Variants in PPRC1 observed in about 807,000 individuals in gnomAD.
PPRC1 encodes peroxisome proliferator-activated receptor gamma coactivator-related protein 1.
A neutral mutation model predicts 132.5 loss-of-function variants in PPRC1; 23 were observed. The ratio of observed to expected loss-of-function variants is 0.17; its 90% CI spans 0.12 to 0.25. PPRC1 has a LOEUF of 0.25. Among genes scored for constraint, PPRC1 ranks in the 10% least tolerant of loss-of-function variants. PPRC1 has a pLI of 1.00. For synonymous variants in PPRC1, 872 were observed against 833.5 expected (o/e 1.05, Z -0.80); for missense variants, 2,006 against 2,089.1 (o/e 0.96, Z 0.78).
In PPRC1 at chr10:102,141,648, C is replaced by T; in HGVS notation, c.3140C>T (p.Ala1047Val). 1 of 1,614,158 alleles carries T rather than the reference C, an allele frequency of 6.2e-7. No homozygotes were observed. The highest frequency in any genetic ancestry group is 1.7e-4 in the Middle Eastern group (1 of 6,060). ...AGTCTTGGGCTACCTGGCCATGGAG[C>T]TCCTCAGACAGAGCCTACCAAGGTG... ...PLSLGLPGHG[A>V]PQTEPTKVEV... is the part of the protein sequence containing the mutation. Residue 1047 changes from alanine to valine, a missense_variant, in exon 5 of 14, where the codon GCT (alanine) becomes GTT (valine). Around this residue, in one of 2 missense-constraint regions of PPRC1, gnomAD observed 1,914 missense variants for 1,917.2 expected, o/e 1.00. Transcript: ENST00000278070.
At chr10:102,144,718 A>C in intron 7 of PPRC1, 1 of 486,062 alleles carries the variant, frequency 2.1e-6, no homozygotes, top group Non-Finnish European at 3.7e-6. Flanking sequence ...TCTGCCAAGC[A>C]TGTTCCCCTC....
the PPRC1 span, among the ~76,000 whole-genome samples, chr10:102,121,560 C>T: frequency 3.9e-5 from 6 of 152,166 alleles, no homozygotes; most frequent in Admixed American, 3.9e-4. Flanking sequence ...CCATCCCTTC[C>T]CAAAAGCTCA....
the PPRC1 span, among the ~76,000 whole-genome samples, chr10:102,121,731 A>T: frequency 3.3e-5 from 5 of 151,942 alleles, no homozygotes; most frequent in Non-Finnish European, 7.4e-5. Flanking sequence ...GACGATGGAG[A>T]CTTGGACTAG....
intron 13 of PPRC1, among the ~76,000 whole-genome samples, chr10:102,149,693 C>T (rs2133737862): frequency 6.8e-6 from 1 of 147,590 alleles, no homozygotes; most frequent in South Asian, 2.1e-4. Flanking sequence ...CATCACAACA[C>T]TGCACTCCAG....
Position 102,143,427 on chromosome 10 carries a change from C to T in PPRC1, c.3550+329C>T, listed in dbSNP as rs17847387. 1.6e-4 allele frequency among the ~76,000 whole-genome samples: 25 copies of T among 152,002 alleles called. No homozygotes were observed. The East Asian group carries it at 4.3e-3, about 26-fold the overall frequency. On this transcript the variant is annotated intron_variant, in intron 6 of 13. Transcript: ENST00000278070. ...CAGCCTGGCCAACATGGTGAAACCC[C>T]GTATCTACTAAAAATACAAAAATTA...
In PPRC1 at chr10:102,141,929, A is replaced by G. The variant is rs1008222737; in HGVS notation, c.3421A>G (p.Arg1141Gly). The G allele has an allele frequency of 1.9e-6, 3 of 1,614,052 alleles. No homozygotes were observed. Among genetic ancestry groups the G allele is most frequent in the Non-Finnish European group, 2.5e-6 (3 of 1,180,022 alleles). Reference sequence around the variant, plus strand: ...GCCTGCTGTCCACCCAGCCCGTCTAAGGAAGCTGTCCTTCCTGCCTACCCC... The same window carrying G: ...GCCTGCTGTCCACCCAGCCCGTCTAGGGAAGCTGTCCTTCCTGCCTACCCC... ...KLPAVHPARL[R>G]KLSFLPTPRT... The change falls in exon 5 of 14, where the codon AGG becomes GGG. Residue 1141 changes from arginine (R) to glycine (G), a missense_variant. By Grantham distance (125) the Arg-to-Gly change is moderately radical. Coordinates refer to ENST00000278070, the MANE Select transcript of PPRC1 (RefSeq NM_015062.5).
chr10:102,140,139 C>G lies in PPRC1; in HGVS notation c.1631C>G (p.Ala544Gly), dbSNP rs1458481381. 1 of 1,614,232 alleles carries G rather than the reference C, an allele frequency of 6.2e-7. No individual in the cohort carries two copies. The part of the protein sequence containing the change: ...NSSPKNLERS[A>G]GQSSPAKEGP... Reference sequence around the variant, plus strand: ...AGCCCTAAGAACTTGGAGAGAAGTGCTGGACAAAGTAGTCCTGCTAAAGAA... The same window carrying G: ...AGCCCTAAGAACTTGGAGAGAAGTGGTGGACAAAGTAGTCCTGCTAAAGAA... Residue 544 changes from alanine (A) to glycine (G), a missense_variant, in exon 5 of 14, where the codon GCT becomes GGT. Ala to Gly is a moderately conservative substitution (Grantham distance 60). Transcript: ENST00000278070.
chr10:102,133,616 C>T (rs974635343), intron 1 of PPRC1, among the ~76,000 whole-genome samples: 1 of 151,892 alleles, frequency 6.6e-6, no homozygotes, highest in African/African-American at 2.4e-5. Context: ...TGTCTGCCTC[C>T]CCTCCCCCTC....
At chr10:102,129,427 A>G (rs1399204704), upstream of PPRC1, among the ~76,000 whole-genome samples, 1 of 152,066 alleles carries the variant, frequency 6.6e-6, no homozygotes, top group Non-Finnish European at 1.5e-5. Context: ...AGACCCAGAG[A>G]TATATTACCT....
At chr10:102,143,145 C>CT in intron 6 of PPRC1, 47 bp downstream of exon 6, 1 of 1,560,664 alleles carries the variant, frequency 6.4e-7, no homozygotes, top group Non-Finnish European at 8.8e-7. Flanking sequence ...TTTGGTGATA[C>CT]TTTTTTGGGC....
upstream of PPRC1, among the ~76,000 whole-genome samples, chr10:102,128,265 G>C (rs927843052): frequency 2.0e-5 from 3 of 151,580 alleles, no homozygotes; most frequent in Non-Finnish European, 4.4e-5. Flanking sequence ...TCAGCCTCCC[G>C]AGTATCTGGG....
chr10:102,144,166 C>T (rs1012829886), intron 6 of PPRC1, 84 bp from the exon 7 acceptor site: 148 of 1,373,966 alleles, frequency 1.1e-4, no homozygotes, highest in Non-Finnish European at 1.4e-4. Flanking sequence ...GATTTTCCTC[C>T]TTTGGGTCTC....
In PPRC1 at chr10:102,146,631, G is replaced by A. The variant is rs373772525; in HGVS notation, c.3680-41G>A. The A allele has an allele frequency of 2.9e-5, 46 of 1,559,592 alleles. No individual in the cohort carries two copies. In the East Asian group the frequency reaches 3.2e-4, roughly 11 times the overall value. On this transcript the variant is annotated intron_variant, in intron 8 of 13. Transcript: ENST00000278070. Reference sequence around the variant, plus strand: ...ACACGGTATTTGGAAGCGTAGAATCGGATCTCATCCTGCTATCTCCATCCT... The same window carrying A: ...ACACGGTATTTGGAAGCGTAGAATCAGATCTCATCCTGCTATCTCCATCCT...
chr10:102,139,434 T>G lies in PPRC1; in HGVS notation c.926T>G (p.Val309Gly). ...AGCATCTCCTCCCTGAGTGAGCTGG[T>G]GCGGGCCATGCACCCATACTGCCTG... ...DESISSLSELVRAMHPYCLPN... is the reference protein window; with the variant it reads ...DESISSLSELGRAMHPYCLPN... Residue 309 changes from valine (V) to glycine (G), a missense_variant, in exon 5 of 14, where the codon GTG (valine) becomes GGG (glycine). By Grantham distance (109) the Val-to-Gly change is moderately radical. Around this residue, in one of 2 missense-constraint regions of PPRC1, gnomAD observed 1,914 missense variants for 1,917.2 expected, o/e 1.00. Transcript: ENST00000278070. 1 of 1,614,198 alleles carries G rather than the reference T, an allele frequency of 6.2e-7. No individual in the cohort carries two copies. The highest frequency in any genetic ancestry group is 8.5e-7 in the Non-Finnish European group (1 of 1,180,040).
Position 102,139,258 on chromosome 10 carries a change from G to A in PPRC1, c.750G>A (p.Glu250=), listed in dbSNP as rs560631327. Residue 250 remains glutamate, a synonymous_variant, in exon 5 of 14, where the codon GAG becomes GAA. Transcript: ENST00000278070. ...AGCGCAGTGATGGAGAAGAAGAGGA[G>A]GAGGTGGCCAGCTTCAGTGGCCAGA... The part of the protein sequence containing the change: ...PQQRSDGEEE[E]EVASFSGQIL... 6.2e-7 allele frequency: 1 copy of A among 1,614,220 alleles called. No homozygotes were observed. The highest frequency in any genetic ancestry group is 1.3e-5 in the African/African-American group (1 of 75,054).
intron 2 of PPRC1, 71 bp from the exon 3 acceptor site, chr10:102,138,548 A>T: frequency 6.5e-7 from 1 of 1,550,346 alleles, no homozygotes; most frequent in Non-Finnish European, 8.8e-7. Context: ...TTCTCTCGAT[A>T]TCCAGTCCTT....
rs574094283 is a variant in PPRC1 at position 102,143,110 on chromosome 10, T to C, written c.3550+12T>C. 5.0e-6 allele frequency: 8 copies of C among 1,609,988 alleles called. No individual in the cohort carries two copies. The highest frequency in any genetic ancestry group is 6.8e-6 in the Non-Finnish European group (8 of 1,176,468). On this transcript the variant is annotated intron_variant, in intron 6 of 13. Transcript: ENST00000278070. Reference sequence around the variant, plus strand: ...TGAGAAATCAGAAGGTGAGGGAACATGGGTAGTTTTGCTCCAACTCTTTTT... The same window carrying C: ...TGAGAAATCAGAAGGTGAGGGAACACGGGTAGTTTTGCTCCAACTCTTTTT...
chr10:102,149,718 C>G (rs1182882914), intron 13 of PPRC1, among the ~76,000 whole-genome samples: 2 of 128,318 alleles, frequency 1.6e-5, no homozygotes, highest in Non-Finnish European at 1.6e-5. Context: ...GGCTACAGAA[C>G]GAGACTGTCT....
rs1043441413 is a variant in PPRC1, at chr10:102,147,332, C to T, written c.4340C>T (p.Ser1447Leu). The change falls in exon 9 of 14, where the codon TCG becomes TTG. Residue 1447 changes from serine (S) to leucine (L), a missense_variant. By Grantham distance (145) the Ser-to-Leu change is moderately radical (BLOSUM62 -2). Transcript: ENST00000278070. ...TSEASSSSSS[S>L]SSSSRSRSRS... is the part of the protein sequence containing the mutation. Reference sequence around the variant, plus strand: ...GAAGCATCTTCCTCATCCTCATCATCGTCTTCCTCATCCCGATCTCGGTCC... The same window carrying T: ...GAAGCATCTTCCTCATCCTCATCATTGTCTTCCTCATCCCGATCTCGGTCC... The T allele has an allele frequency of 3.1e-6, 5 of 1,611,834 alleles. No individual in the cohort carries two copies. The South Asian group carries it at 3.3e-5, about 11-fold the overall frequency.
Sources: gnomAD v4.1 joint callset for allele counts (sites outside exome capture counted in the v4.1 genomes callset) on GRCh38, gnomAD v4.1.1 for gene constraint, gnomAD v4.1.1 regional missense constraint, MANE v1.5 for transcripts, NCBI Gene and HGNC (gene_info 2026-07-23, HGNC 2026-07-21) for gene names.